The following GTF3C2 variants were observed in gnomAD, a reference collection of about 807,000 sequenced individuals.
GTF3C2 encodes the protein general transcription factor 3C polypeptide 2.
Under a neutral mutation model 117.4 loss-of-function variants are expected in GTF3C2, and 17 were observed. That is an observed-to-expected ratio of 0.14 (90% CI 0.10 to 0.22). The LOEUF (loss-of-function observed/expected upper bound fraction) is 0.22. Ranked by LOEUF, GTF3C2 falls within the 10% of genes least tolerant of loss-of-function variation. GTF3C2 has a pLI of 1.00. For missense variants in GTF3C2, 888 were observed against 1,143.6 expected, an observed-to-expected ratio of 0.78 and a Z score of 3.22; for synonymous variants, 437 against 427.0, an observed-to-expected ratio of 1.02 and a Z score of -0.29.
intron 1 of GTF3C2, among the ~76,000 whole-genome samples, chr2:27,349,922 G>A (rs1420803403): frequency 1.3e-5 from 2 of 152,088 alleles, no homozygotes; most frequent in Non-Finnish European, 1.5e-5. Context: ...TTACAAGCAT[G>A]AGCCACTGTG....
chr2:27,355,834 C>A (rs758179991), intron 1 of GTF3C2, among the ~76,000 whole-genome samples: 19 of 152,084 alleles, frequency 1.2e-4, no homozygotes, highest in Non-Finnish European at 1.9e-4. Flanking sequence ...TTTAATGGTA[C>A]GAAAACGAAC....
intron 1 of GTF3C2, among the ~76,000 whole-genome samples, chr2:27,353,320 T>G (rs1335249857): frequency 1.3e-5 from 2 of 149,934 alleles, no homozygotes; most frequent in African/African-American, 4.9e-5. Context: ...TTGCAGGAGG[T>G]TGCAGTGAGC....
chr2:27,355,611 T>C (rs1481613861), intron 1 of GTF3C2, among the ~76,000 whole-genome samples: 1 of 152,106 alleles, frequency 6.6e-6, no homozygotes, highest in Non-Finnish European at 1.5e-5. Flanking sequence ...AGATGATCAG[T>C]AAATTCGTAC....
intron 7 of GTF3C2, 129 bp downstream of exon 7, chr2:27,337,115 T>A: frequency 1.6e-6 from 1 of 643,654 alleles, no homozygotes. Context: ...TAGTCAGCAC[T>A]CTTATTCTTG....
intron 1 of GTF3C2, chr2:27,356,061 T>C (rs1213250897): frequency 1.6e-6 from 2 of 1,275,190 alleles, no homozygotes; most frequent in Non-Finnish European, 2.0e-6. Context: ...TGTATATGCC[T>C]CTGGAACAAA....
At chr2:27,355,964 G>C (rs1034330585) in intron 1 of GTF3C2, 9 of 564,490 alleles carry the variant, frequency 1.6e-5, no homozygotes, top group Admixed American at 1.0e-4. Context: ...TTTTAAGTAA[G>C]TCAATTTAAA....
chr2:27,342,564 T>C, intron 3 of GTF3C2: 1 of 554,042 alleles, frequency 1.8e-6, no homozygotes, highest in Non-Finnish European at 3.2e-6. Context: ...TACTGGACAG[T>C]AAAACAATAA....
intron 1 of GTF3C2, among the ~76,000 whole-genome samples, chr2:27,346,016 C>CTTTTT (rs70953853): frequency 3.1e-5 from 3 of 97,888 alleles, no homozygotes; most frequent in Non-Finnish European, 3.9e-5. Context: ...TGCCCCGCCA[C>CTTTTT]TTTTTTTTTT....
chr2:27,326,798 GGAGGC>G lies in GTF3C2; in HGVS notation c.2608_2612del (p.Ala870ProfsTer9). ...CAAGCTGCATACGGTGGCCCAGTGG[GGAGGC>G]GAGTCCACGGACAAAATGGATTCGA... is the stretch of plus-strand genomic sequence containing the variant. On this transcript the variant is annotated frameshift_variant, in exon 19 of 19. Coordinates refer to ENST00000264720, the Ensembl canonical transcript of GTF3C2. LOFTEE classifies it high-confidence loss of function. 6.2e-7 allele frequency: 1 copy of G among 1,613,892 alleles called. No individual in the cohort carries two copies. Among genetic ancestry groups the G allele is most frequent in the Non-Finnish European group, 8.5e-7 (1 of 1,179,804 alleles).
At chr2:27,350,000 G>A (rs1450331125) in intron 1 of GTF3C2, among the ~76,000 whole-genome samples, 1 of 151,964 alleles carries the variant, frequency 6.6e-6, no homozygotes, top group Non-Finnish European at 1.5e-5. Flanking sequence ...TAAATGTCAG[G>A]AACATTTAAA....
intron 17 of GTF3C2, 61 bp from the exon 18 acceptor site, chr2:27,327,345 C>T (rs965902829): frequency 9.1e-5 from 78 of 860,228 alleles, no homozygotes; most frequent in Non-Finnish European, 1.3e-4. Context: ...TTTTTTAAGA[C>T]GGAGTCTCGC....
chr2:27,336,102 G>T, intron 8 of GTF3C2, 74 bp from the exon 9 acceptor site: 2 of 1,387,264 alleles, frequency 1.4e-6, no homozygotes, highest in Non-Finnish European at 2.1e-6. Context: ...AGCTCCCCTT[G>T]TCTCAGCCCA....
chr2:27,336,261 T>C (rs966847790), exon 8 of GTF3C2: 2 of 1,614,014 alleles, frequency 1.2e-6, no homozygotes, highest in Middle Eastern at 1.6e-4. Flanking sequence ...CGAATGAAGC[T>C]GGCTCAGTGG....
In GTF3C2 at chr2:27,327,928, G is replaced by A. The variant is rs969385437; in HGVS notation, c.2409+109C>T. The A allele has an allele frequency of 1.1e-5, 10 of 876,902 alleles. No homozygotes were observed. The African/African-American group carries it at 1.6e-4, about 14-fold the overall frequency. The allele number at this position is 876,902 out of a possible 1,614,324, so 54.3% of individuals were successfully genotyped here. A position where few individuals can be genotyped will look rare whatever the true frequency, so the allele number is the denominator to read the frequency against. On this transcript the variant is annotated intron_variant, in intron 17 of 18. Coordinates refer to ENST00000264720, the Ensembl canonical transcript of GTF3C2. ...GGCATGAGCCACTGCACCTGGCCGA[G>A]GCTCCTTAGTTTTACATCTTTGTGC...
At chr2:27,332,819 GA>G (rs1402926847) in intron 12 of GTF3C2, among the ~76,000 whole-genome samples, 1 of 151,928 alleles carries the variant, frequency 6.6e-6, no homozygotes, top group Non-Finnish European at 1.5e-5. Context: ...AGCTTCAAGC[GA>G]TTCTCCTGCC....
rs982441099 is a variant in GTF3C2 at position 27,337,438 on chromosome 2, G to A, written c.1028+43C>T. 2.7e-6 allele frequency: 4 copies of A among 1,479,332 alleles called. No individual in the cohort carries two copies. In the African/African-American group the frequency reaches 4.2e-5, roughly 15 times the overall value. 91.6% of individuals were successfully genotyped at this position (1,479,332 alleles called of 1,614,324 possible). A position where few individuals can be genotyped will look rare whatever the true frequency, so the allele number is the denominator to read the frequency against. On this transcript the variant is annotated intron_variant, in intron 6 of 18. Transcript: ENST00000264720. ...CCTCTGTCACCCTTTCGTCTCCAGT[G>A]GTGTCACCCTTCCTAAGCTACAGAG... is the stretch of plus-strand genomic sequence containing the variant.
intron 4 of GTF3C2, among the ~76,000 whole-genome samples, chr2:27,339,409 CAAAAAAAAAAAAAAA>C (rs761860478): frequency 2.1e-5 from 1 of 46,820 alleles, no homozygotes; most frequent in Non-Finnish European, 5.0e-5. Flanking sequence ...AACTCCGTCT[CAAAAAAAAAAAAAAA>C]AAAGAAAAAA....
At chr2:27,331,663 C>CA (rs1680275796) in intron 12 of GTF3C2, among the ~76,000 whole-genome samples, 1 of 152,064 alleles carries the variant, frequency 6.6e-6, no homozygotes, top group Non-Finnish European at 1.5e-5. Context: ...CTAGGCCAGG[C>CA]ATGGTAACTC....
intron 12 of GTF3C2, among the ~76,000 whole-genome samples, chr2:27,330,660 C>T (rs1680245397): frequency 6.6e-6 from 1 of 151,438 alleles, no homozygotes; most frequent in Non-Finnish European, 1.5e-5. Context: ...TGAGACCCCA[C>T]CTCTAAAAAA....
Sources: gnomAD v4.1 joint callset for allele counts (sites outside exome capture counted in the v4.1 genomes callset) on GRCh38, gnomAD v4.1.1 for gene constraint, MANE v1.5 for transcripts, NCBI Gene and HGNC (gene_info 2026-07-23, HGNC 2026-07-21) for gene names.